Variants in CCDC186 observed in about 807,000 individuals in gnomAD.
CCDC186 encodes the protein coiled-coil domain containing 186.
A neutral mutation model predicts 113.7 loss-of-function variants in CCDC186; 49 were observed. The observed-to-expected ratio is 0.43, with a 90% CI of 0.34 to 0.55. The LOEUF (loss-of-function observed/expected upper bound fraction) is 0.55. Among genes scored for constraint, CCDC186 ranks in the 20% least tolerant of loss-of-function variants. CCDC186 has a pLI of 0.02. For missense variants in CCDC186, 890 were observed against 1,011.1 expected (o/e 0.88, Z 1.62); for synonymous variants, 355 against 345.8 (o/e 1.03, Z -0.30).
At chr10:114,155,604 G>C (rs1193259131) in intron 3 of CCDC186, among the ~76,000 whole-genome samples, 1 of 152,130 alleles carries the variant, frequency 6.6e-6, no homozygotes, top group Non-Finnish European at 1.5e-5. Flanking sequence ...GAACCTGGGA[G>C]GTAGTGGTTG....
At chr10:114,126,475 G>C (rs2030905353) in intron 14 of CCDC186, among the ~76,000 whole-genome samples, 1 of 152,158 alleles carries the variant, frequency 6.6e-6, no homozygotes, top group Non-Finnish European at 1.5e-5. Context: ...TCCTGCCTCA[G>C]CCTTCTGAGC....
At chr10:114,151,041 A>C (rs1443420303) in intron 4 of CCDC186, 51 bp downstream of exon 4, 1 of 1,597,348 alleles carries the variant, frequency 6.3e-7, no homozygotes, top group East Asian at 2.2e-5. Context: ...ATTTTAACAA[A>C]CAAGAGTCAC....
chr10:114,171,879 T>C (rs1179754459), intron 1 of CCDC186, among the ~76,000 whole-genome samples: 1 of 152,236 alleles, frequency 6.6e-6, no homozygotes, highest in Admixed American at 6.5e-5. Context: ...TTGTGTCTAC[T>C]GTCCCTTCAT....
intron 1 of CCDC186, among the ~76,000 whole-genome samples, chr10:114,166,975 A>G (rs1277898507): frequency 6.6e-6 from 1 of 150,628 alleles, no homozygotes; most frequent in Non-Finnish European, 1.5e-5. Flanking sequence ...AAGAAAAATC[A>G]TGTAAATTGG....
At chr10:114,156,101 G>A (rs1826874619) in intron 3 of CCDC186, among the ~76,000 whole-genome samples, 1 of 152,274 alleles carries the variant, frequency 6.6e-6, no homozygotes, top group East Asian at 1.9e-4. Flanking sequence ...GATTTAGCCT[G>A]TTAAGACTCC....
chr10:114,133,116 G>C (rs191550426), intron 10 of CCDC186, among the ~76,000 whole-genome samples: 25 of 152,304 alleles, frequency 1.6e-4, no homozygotes, highest in African/African-American at 5.8e-4. Flanking sequence ...AAACAGATTA[G>C]AGAGGATATA....
chr10:114,139,107 T>C (rs1431482081), intron 6 of CCDC186, among the ~76,000 whole-genome samples: 1 of 152,226 alleles, frequency 6.6e-6, no homozygotes, highest in Non-Finnish European at 1.5e-5. Flanking sequence ...TATTAATTGT[T>C]CGACTACTAT....
At chr10:114,128,325 G>A (rs963717591) in intron 13 of CCDC186, among the ~76,000 whole-genome samples, 11 of 152,078 alleles carry the variant, frequency 7.2e-5, no homozygotes, top group South Asian at 4.1e-4. Context: ...TTTCCAATCC[G>A]ATTTTATAGC....
chr10:114,134,495 T>A lies in CCDC186; in HGVS notation c.1655+418A>T, dbSNP rs116586212. 8.3e-3 allele frequency among the ~76,000 whole-genome samples: 1,262 copies of A among 152,316 alleles called. 20 individuals carry two copies. The highest frequency in any genetic ancestry group is 0.029 in the African/African-American group (1,216 of 41,582). On this transcript the variant is annotated intron_variant, in intron 10 of 15. Transcript: ENST00000369287. Reference sequence around the variant, plus strand: ...ACTGAATCCAGGTTCTGTCTGGTAATGTCACAAGTAGAGTTTACTTAAATG... The same window carrying A: ...ACTGAATCCAGGTTCTGTCTGGTAAAGTCACAAGTAGAGTTTACTTAAATG...
chr10:114,134,483 T>C (rs643148), intron 10 of CCDC186, among the ~76,000 whole-genome samples: 30,127 of 152,132 alleles, frequency 0.2, 3,129 homozygotes, highest in African/African-American at 0.25. Flanking sequence ...GAATCCAGGT[T>C]CTGTCTGGTA....
chr10:114,130,625 G>A (rs1481528461), intron 12 of CCDC186: 1 of 152,160 alleles, frequency 6.6e-6, no homozygotes, highest in African/African-American at 2.4e-5. Context: ...CGATTTCCAA[G>A]TCAGAGGACG....
At chr10:114,160,803 T>C (rs1458659895) in intron 2 of CCDC186, among the ~76,000 whole-genome samples, 2 of 152,244 alleles carry the variant, frequency 1.3e-5, no homozygotes, top group Non-Finnish European at 2.9e-5. Flanking sequence ...GAAAAAAATT[T>C]AGTTGTTTTA....
Position 114,164,114 on chromosome 10 carries a change from ATTTTTT to A in CCDC186, c.-61-791_-61-786del, listed in dbSNP as rs35615169. Among the ~76,000 whole-genome samples the A allele has an allele frequency of 5.7e-4, 45 of 79,224 alleles. 1 individual carries two copies. The highest frequency in any genetic ancestry group is 8.8e-3 in the Middle Eastern group (1 of 114). The allele number at this position is 79,224 out of a possible 152,430, so 52.0% of individuals were successfully genotyped here. ...TGTGTGTGTGTGTGTATATATATATATTTTTTTTTTTTTTTTTTTTTTTGGGATAGA... is the reference window on the plus strand; with the variant it reads ...TGTGTGTGTGTGTGTATATATATATATTTTTTTTTTTTTTTTTGGGATAGA... On this transcript the variant is annotated intron_variant, in intron 1 of 15. Coordinates refer to ENST00000369287, the MANE Select transcript of CCDC186 (RefSeq NM_018017.4).
In CCDC186 at chr10:114,136,159, C is replaced by G; in HGVS notation, c.1414G>C (p.Asp472His). The change falls in exon 8 of 16, where the codon GAC (aspartate) becomes CAC (histidine). Residue 472 changes from aspartate (D) to histidine (H), a missense_variant. Coordinates refer to ENST00000369287, the MANE Select transcript of CCDC186 (RefSeq NM_018017.4). Reference protein sequence around the residue: ...ELEKQMQEKSDQLEMHHAKIK... With the variant: ...ELEKQMQEKSHQLEMHHAKIK... ...GCAAAACTACTCACCTCTAGCTGGTCAGATTTTTCTTGCATTTGTTTTTCA... is the reference window on the plus strand; with the variant it reads ...GCAAAACTACTCACCTCTAGCTGGTGAGATTTTTCTTGCATTTGTTTTTCA... The G allele has an allele frequency of 6.2e-7, 1 of 1,612,306 alleles. No individual in the cohort carries two copies. The highest frequency in any genetic ancestry group is 1.1e-5 in the South Asian group (1 of 91,040).
chr10:114,136,277 A>G (rs1589611965), intron 7 of CCDC186, 31 bp from the exon 8 acceptor site: 3 of 1,524,476 alleles, frequency 2.0e-6, no homozygotes, highest in Non-Finnish European at 9.0e-7. Flanking sequence ...AAAGTGTGAC[A>G]ATTTTTAACC....
At position 114,152,213 on chromosome 10, in the gene CCDC186, A is replaced by G. The variant is rs113257427; in HGVS notation, c.760-993T>C. On this transcript the variant is annotated intron_variant, in intron 3 of 15. Coordinates refer to ENST00000369287, the MANE Select transcript of CCDC186 (RefSeq NM_018017.4). ...AAAAATTAGCTGGGCATGGTGGTGC[A>G]TGCCTATAGTCCCATCTACTCAGGA... Among the ~76,000 whole-genome samples the G allele has an allele frequency of 1.3e-3, 191 of 152,176 alleles. 2 individuals are homozygous for G. The highest frequency in any genetic ancestry group is 4.4e-3 in the African/African-American group (182 of 41,532).
chr10:114,162,481 C>T (rs1456906372), intron 2 of CCDC186, 156 bp downstream of exon 2: 2 of 550,702 alleles, frequency 3.6e-6, no homozygotes, highest in African/African-American at 1.9e-5. Context: ...TTTGCTCACA[C>T]ATTCAGCAAC....
At position 114,162,758 on chromosome 10, in the gene CCDC186, A is replaced by T. The variant is rs778795783; in HGVS notation, c.511T>A (p.Leu171Ile). Reference sequence around the variant, plus strand: ...CGATGTTCTGCAAACTCCGTAGATAAGAGCTCAGATTCTATTTCTTCCAAC... The same window carrying T: ...CGATGTTCTGCAAACTCCGTAGATATGAGCTCAGATTCTATTTCTTCCAAC... ...DLLEEIESEL[L>I]STEFAEHRVP... Residue 171 changes from leucine (L) to isoleucine (I), a missense_variant, in exon 2 of 16, where the codon TTA becomes ATA. Leu to Ile is a conservative substitution (Grantham distance 5). Coordinates refer to ENST00000369287, the MANE Select transcript of CCDC186 (RefSeq NM_018017.4). The T allele has an allele frequency of 6.2e-7, 1 of 1,613,968 alleles. No homozygotes were observed.
At chr10:114,151,612 C>G (rs1218415623) in intron 3 of CCDC186, among the ~76,000 whole-genome samples, 2 of 152,066 alleles carry the variant, frequency 1.3e-5, no homozygotes, top group Non-Finnish European at 2.9e-5. Context: ...GTGATGAAAA[C>G]TTGTGTTGTC....
Sources: allele counts gnomAD v4.1 joint callset (sites outside exome capture counted in the v4.1 genomes callset), GRCh38; gene constraint gnomAD v4.1.1; transcripts MANE v1.5; gene names NCBI Gene and HGNC (gene_info 2026-07-23, HGNC 2026-07-21).